FOXP1: variants seen among roughly 807,000 people sequenced by gnomAD.
FOXP1 encodes the protein forkhead box protein P1.
A neutral mutation model predicts 98.2 loss-of-function variants in FOXP1; 15 were observed. That is an observed-to-expected ratio of 0.15 (90% CI 0.10 to 0.24). FOXP1 has a LOEUF of 0.24. FOXP1 is among the 10% of genes least tolerant of loss of function. FOXP1 has a pLI of 1.00. For missense variants in FOXP1, 633 were observed against 848.5 expected, an observed-to-expected ratio of 0.75 and a Z score of 3.15; for synonymous variants, 371 against 314.5, an observed-to-expected ratio of 1.18 and a Z score of -1.90.
chr3:71,025,812 T>C (rs564219537), intron 11 of FOXP1, among the ~76,000 whole-genome samples: 2 of 152,314 alleles, frequency 1.3e-5, no homozygotes, highest in African/African-American at 4.8e-5. Context: ...ACTGAATCAA[T>C]GAGTTTGAAA....
intron 19 of FOXP1, 22 bp from the exon 20 acceptor site, chr3:70,966,078 T>G: frequency 1.2e-6 from 2 of 1,608,916 alleles, no homozygotes; most frequent in Non-Finnish European, 1.7e-6. Context: ...CAAGAGAAAA[T>G]TTATGAAGAC....
rs1178008000 is a variant in FOXP1, at chr3:71,326,560, G to GA, written c.-72-26681dup. Among the ~76,000 whole-genome samples, 10 of 152,222 alleles carry GA rather than the reference G, an allele frequency of 6.6e-5. No individual in the cohort carries two copies. In the South Asian group the frequency reaches 1.7e-3, roughly 25 times the overall value. On this transcript the variant is annotated intron_variant, in intron 4 of 20. Coordinates refer to ENST00000649528, the MANE Select transcript of FOXP1 (RefSeq NM_001349338.3). ...ATAGATTCTTCAAGAGATGTGTTGT[G>GA]AAAAAATAGAAGGAAGGAAGGGAGA...
intron 2 of FOXP1, among the ~76,000 whole-genome samples, chr3:71,537,634 A>G (rs1194285174): frequency 6.6e-6 from 1 of 152,178 alleles, no homozygotes; most frequent in Non-Finnish European, 1.5e-5. Context: ...CTGGCAGCCA[A>G]TATCTGGGTG....
chr3:71,110,564 A>G (rs2057831761), intron 7 of FOXP1, among the ~76,000 whole-genome samples: 1 of 152,232 alleles, frequency 6.6e-6, no homozygotes, highest in Non-Finnish European at 1.5e-5. Flanking sequence ...CTCCCTGTAT[A>G]CATTAATAAA....
chr3:71,433,833 G>A lies in FOXP1; in HGVS notation c.-168+59593C>T, dbSNP rs576398042. 9.9e-5 allele frequency among the ~76,000 whole-genome samples: 15 copies of A among 152,242 alleles called. 1 individual carries two copies. The highest frequency in any genetic ancestry group is 2.6e-4 in the Admixed American group (4 of 15,294). On this transcript the variant is annotated intron_variant, in intron 3 of 20. Transcript: ENST00000649528. ...CCCTGGTCGGCAGGCAAGCAAAGGC[G>A]TGTCTACACTTACCTGCATTGTCTG...
intron 2 of FOXP1, among the ~76,000 whole-genome samples, chr3:71,515,891 TC>T (rs1257113832): frequency 6.6e-6 from 1 of 152,216 alleles, no homozygotes; most frequent in Non-Finnish European, 1.5e-5. Flanking sequence ...CAGAATACGC[TC>T]TGTCTCTGAT....
At position 70,989,550 on chromosome 3, in the gene FOXP1, A is replaced by C. The variant is rs368060924; in HGVS notation, c.1063-1473T>G. ...TTCCAAAGAGGCTTAGAACAATTAA[A>C]ATGTTGGGAATGCTATTTTTCTGCC... is the stretch of plus-strand genomic sequence containing the variant. On this transcript the variant is annotated intron_variant, in intron 13 of 20. Transcript: ENST00000649528. 3.1e-4 allele frequency among the ~76,000 whole-genome samples: 47 copies of C among 152,158 alleles called. 1 individual carries two copies. In the South Asian group the frequency reaches 4.8e-3, roughly 16 times the overall value.
At chr3:71,027,151 C>T (rs1471919673) in intron 11 of FOXP1, among the ~76,000 whole-genome samples, 1 of 151,686 alleles carries the variant, frequency 6.6e-6, no homozygotes, top group Non-Finnish European at 1.5e-5. Context: ...ATTAGGCAGG[C>T]ATTCTCATTA....
intron 4 of FOXP1, among the ~76,000 whole-genome samples, chr3:71,329,274 T>C (rs903882908): frequency 2.6e-5 from 4 of 151,320 alleles, no homozygotes; most frequent in African/African-American, 9.7e-5. Context: ...CAGGCTGGAG[T>C]GCAGTGTCGT....
intron 5 of FOXP1, among the ~76,000 whole-genome samples, chr3:71,245,795 T>C (rs991079286): frequency 3.3e-5 from 5 of 151,218 alleles, no homozygotes; most frequent in African/African-American, 1.2e-4. Context: ...CCTCCTCCAA[T>C]CACCACCCCC....
In FOXP1 at chr3:70,977,926, A is replaced by T. The variant is rs1443524823; in HGVS notation, c.1250T>A (p.Val417Asp). Residue 417 changes from valine to aspartate, a missense_variant, in exon 15 of 21, where the codon GTC becomes GAC. Around this residue, in one of 6 missense-constraint regions of FOXP1, gnomAD observed 141 missense variants for 199.5 expected, o/e 0.71. Coordinates refer to ENST00000649528, the MANE Select transcript of FOXP1 (RefSeq NM_001349338.3). Reference protein sequence around the residue: ...PTTPTAPLTPVTQGPSVITTT... With the variant: ...PTTPTAPLTPDTQGPSVITTT... ...TGTGATGACAGAGGGGCCTTGGGTG[A>T]CGGGAGTCAGGGGGGCGGTTGGGGT... The T allele has an allele frequency of 6.2e-7, 1 of 1,614,142 alleles. No individual in the cohort carries two copies. The highest frequency in any genetic ancestry group is 1.7e-5 in the Admixed American group (1 of 60,026).
At chr3:71,124,643 CAA>C (rs551926974) in intron 6 of FOXP1, among the ~76,000 whole-genome samples, 2 of 121,560 alleles carry the variant, frequency 1.6e-5, no homozygotes, top group African/African-American at 3.2e-5. Flanking sequence ...AACTGTGTGT[CAA>C]AAAAAAAAAG....
chr3:71,219,386 G>A (rs773326902), intron 5 of FOXP1, among the ~76,000 whole-genome samples: 2 of 152,220 alleles, frequency 1.3e-5, no homozygotes, highest in Non-Finnish European at 2.9e-5. Context: ...TGGCTAGAGT[G>A]AATATAGGAC....
intron 14 of FOXP1, among the ~76,000 whole-genome samples, chr3:70,982,723 TTAG>T (rs2039071358): frequency 1.3e-5 from 2 of 152,062 alleles, no homozygotes; most frequent in South Asian, 4.2e-4. Flanking sequence ...TAATCTTTCT[TTAG>T]TTTTTAACAG....
rs190172204 is a variant in FOXP1, at chr3:71,107,172, A to C, written c.282+5364T>G. 2.0e-5 allele frequency among the ~76,000 whole-genome samples: 3 copies of C among 152,358 alleles called. No homozygotes were observed. The East Asian group carries it at 5.8e-4, about 29-fold the overall frequency. Reference sequence around the variant, plus strand: ...CACAGGGCCACCTATGCACAGCTGAAGTTGAAATAACAAAAACGAACGAAC... The same window carrying C: ...CACAGGGCCACCTATGCACAGCTGACGTTGAAATAACAAAAACGAACGAAC... On this transcript the variant is annotated intron_variant, in intron 7 of 20. Transcript: ENST00000649528.
intron 5 of FOXP1, among the ~76,000 whole-genome samples, chr3:71,204,221 C>T (rs867400642): frequency 1.6e-4 from 25 of 152,138 alleles, no homozygotes; most frequent in African/African-American, 5.8e-4. Context: ...AAAAGAAGAC[C>T]AACCTGTCTA....
chr3:71,357,434 C>G (rs1446057863), intron 4 of FOXP1, among the ~76,000 whole-genome samples: 1 of 152,194 alleles, frequency 6.6e-6, no homozygotes, highest in Non-Finnish European at 1.5e-5. Flanking sequence ...CAACAGAAGG[C>G]ATTCATTGAA....
chr3:71,583,485 G>C (rs1361247750), intron 1 of FOXP1, 86 bp downstream of exon 1: 8 of 969,776 alleles, frequency 8.2e-6, no homozygotes, highest in Non-Finnish European at 9.8e-6. Context: ...TTTTGTGCTG[G>C]TTGTTGTTGT....
rs753922162 is a variant in FOXP1, at chr3:71,041,469, T to C, written c.728A>G (p.Glu243Gly). Residue 243 changes from glutamate (E) to glycine (G), a missense_variant, in exon 11 of 21, where the codon GAA becomes GGA. This residue lies in a region of FOXP1 where 210 missense variants were observed against 270.6 expected (regional missense o/e 0.78). Coordinates refer to ENST00000649528, the MANE Select transcript of FOXP1 (RefSeq NM_001349338.3). ...ACTGCTGTGATTGTTGCCTGTGGTT[T>C]CTTCTGCAGTATGAGCACTTGTCAC... is the stretch of plus-strand genomic sequence containing the variant. Reference protein sequence around the residue: ...KEVTSAHTAEETTGNNHSSLD... With the variant: ...KEVTSAHTAEGTTGNNHSSLD... 3.1e-6 allele frequency: 5 copies of C among 1,613,936 alleles called. No individual in the cohort carries two copies. In the Admixed American group the frequency reaches 8.3e-5, roughly 27 times the overall value.
Sources: gnomAD v4.1 joint callset for allele counts (sites outside exome capture counted in the v4.1 genomes callset) on GRCh38, gnomAD v4.1.1 for gene constraint, gnomAD v4.1.1 regional missense constraint, MANE v1.5 for transcripts, NCBI Gene and HGNC (gene_info 2026-07-23, HGNC 2026-07-21) for gene names.